Variants in STRN observed in about 807,000 individuals in gnomAD.
STRN encodes protein phosphatase 2 regulatory subunit B'''alpha.
STRN carries 53 observed loss-of-function variants against 96.3 expected under a neutral mutation model. The observed-to-expected ratio is 0.55, with a 90% CI of 0.44 to 0.69. The LOEUF (loss-of-function observed/expected upper bound fraction) is 0.69, where lower values mean the gene tolerates loss of function less well. Among genes scored for constraint, STRN ranks in the 30% least tolerant of loss-of-function variants. The pLI, the probability that STRN is intolerant of heterozygous loss-of-function variation, is 0.00. For missense variants in STRN, 987 were observed against 963.9 expected, an observed-to-expected ratio of 1.02 and a Z score of -0.32; for synonymous variants, 428 against 355.9, an observed-to-expected ratio of 1.20 and a Z score of -2.28.
intron 3 of STRN, among the ~76,000 whole-genome samples, chr2:36,909,130 T>C (rs1455521059): frequency 7.1e-6 from 1 of 140,382 alleles, no homozygotes; most frequent in Non-Finnish European, 1.5e-5. Flanking sequence ...CACTGCAGCC[T>C]GGGCAACAGA....
intron 7 of STRN, among the ~76,000 whole-genome samples, chr2:36,892,076 A>G (rs1210908982): frequency 1.3e-5 from 2 of 152,236 alleles, no homozygotes; most frequent in Non-Finnish European, 2.9e-5. Context: ...CAGAATTAAT[A>G]CCTGTGTCCC....
At chr2:36,900,451 T>C (rs760574006) in intron 5 of STRN, among the ~76,000 whole-genome samples, 3 of 152,124 alleles carry the variant, frequency 2.0e-5, no homozygotes, top group African/African-American at 4.8e-5. Context: ...AAAGAGAAAA[T>C]GTGTACATAA....
chr2:36,956,705 A>G (rs960923790), intron 1 of STRN, among the ~76,000 whole-genome samples: 11 of 152,224 alleles, frequency 7.2e-5, no homozygotes, highest in African/African-American at 2.4e-4. Context: ...TTTTGGAGAA[A>G]AACTGTAGGT....
chr2:36,849,312 A>G lies in STRN; in HGVS notation c.*144T>C. Reference sequence around the variant, plus strand: ...TTTTAGAAAACAGTATATGAATTGCAAAACTATACTTCAACAAATGTTCTC... The same window carrying G: ...TTTTAGAAAACAGTATATGAATTGCGAAACTATACTTCAACAAATGTTCTC... On this transcript the variant is annotated 3_prime_UTR_variant, in exon 18 of 18. Coordinates refer to ENST00000263918, the MANE Select transcript of STRN (RefSeq NM_003162.4). 1 of 1,002,058 alleles carries G rather than the reference A, an allele frequency of 1.0e-6. No homozygotes were observed. Among genetic ancestry groups the G allele is most frequent in the East Asian group, 2.6e-5 (1 of 38,296 alleles). 62.1% of individuals were successfully genotyped at this position (1,002,058 alleles called of 1,614,324 possible).
intron 8 of STRN, 99 bp from the exon 9 acceptor site, chr2:36,884,174 A>C: frequency 9.5e-7 from 1 of 1,054,948 alleles, no homozygotes. Context: ...TCCATCTGTC[A>C]ATATTTACCT....
intron 1 of STRN, among the ~76,000 whole-genome samples, chr2:36,944,016 A>T (rs1364457212): frequency 6.6e-6 from 1 of 152,100 alleles, no homozygotes. Context: ...GCTACTTGGG[A>T]GGCTGGGGCA....
chr2:36,920,122 A>C (rs2148224130), intron 2 of STRN, among the ~76,000 whole-genome samples: 1 of 152,340 alleles, frequency 6.6e-6, no homozygotes, highest in African/African-American at 2.4e-5. Context: ...AAAATAGATC[A>C]AGGTGAAAAA....
At chr2:36,959,720 G>C (rs924391322) in intron 1 of STRN, among the ~76,000 whole-genome samples, 4 of 152,160 alleles carry the variant, frequency 2.6e-5, no homozygotes, top group South Asian at 2.1e-4. Context: ...CATCCATATA[G>C]GGAATACTAA....
chr2:36,889,478 AG>A (rs1163265003), intron 7 of STRN, among the ~76,000 whole-genome samples: 3 of 151,896 alleles, frequency 2.0e-5, no homozygotes, highest in Non-Finnish European at 1.5e-5. Flanking sequence ...AAATGTCTTC[AG>A]GTTTTTGAAG....
intron 3 of STRN, among the ~76,000 whole-genome samples, chr2:36,915,870 G>A (rs948334794): frequency 2.0e-5 from 3 of 152,126 alleles, no homozygotes; most frequent in Admixed American, 2.0e-4. Context: ...CAGAAAATGG[G>A]GAACTAAAAG....
At chr2:36,879,675 TTG>T (rs1327145813) in intron 9 of STRN, among the ~76,000 whole-genome samples, 6 of 152,294 alleles carry the variant, frequency 3.9e-5, no homozygotes, top group Non-Finnish European at 7.4e-5. Flanking sequence ...TGACAAACAT[TTG>T]TGAGTCAATA....
rs138872753 is a variant in STRN, at chr2:36,883,603, A to C, written c.1186+329T>G. The stretch of plus-strand genomic sequence containing the variant: ...TTGCTTAAATATTTATATGAGTTTC[A>C]AAGTAAACATTTACTACCAATTTAC... On this transcript the variant is annotated intron_variant, in intron 9 of 17. Transcript: ENST00000263918. Among the ~76,000 whole-genome samples, 953 of 152,324 alleles carry C rather than the reference A, an allele frequency of 6.3e-3. 8 individuals carry two copies. The highest frequency in any genetic ancestry group is 0.021 in the African/African-American group (857 of 41,570).
intron 1 of STRN, among the ~76,000 whole-genome samples, chr2:36,931,965 C>T (rs1006841686): frequency 1.3e-5 from 2 of 152,022 alleles, no homozygotes; most frequent in African/African-American, 4.8e-5. Flanking sequence ...GGACTATAGG[C>T]GCATACGACC....
At chr2:36,925,000 G>A in intron 2 of STRN, 105 bp downstream of exon 2, 2 of 977,532 alleles carry the variant, frequency 2.0e-6, no homozygotes, top group Admixed American at 2.1e-5. Context: ...AGGTCGCGGT[G>A]AGCCAAGATC....
At chr2:36,861,997 T>G (rs1668499065) in intron 12 of STRN, among the ~76,000 whole-genome samples, 1 of 152,126 alleles carries the variant, frequency 6.6e-6, no homozygotes, top group African/African-American at 2.4e-5. Context: ...AATGTTTAGT[T>G]CTCACTTATA....
At chr2:36,893,684 ATTG>A (rs527772332) in intron 7 of STRN, among the ~76,000 whole-genome samples, 94 of 152,168 alleles carry the variant, frequency 6.2e-4, no homozygotes, top group African/African-American at 1.9e-3. Context: ...TTCATACTGT[ATTG>A]TTGTTGTTTT....
intron 10 of STRN, 147 bp from the exon 11 acceptor site, chr2:36,869,876 C>A: frequency 3.3e-6 from 2 of 610,378 alleles, no homozygotes; most frequent in Non-Finnish European, 5.0e-6. Flanking sequence ...TGTAAATAAC[C>A]AAACCACGAA....
Position 36,849,240 on chromosome 2 carries a change from AG to A in STRN, c.*215del, listed in dbSNP as rs1668157443. ...TGGGGAGAAATTTGAAACAGACCTC[AG>A]GCTCACAGATTCAGCTGAGCTTGCA... On this transcript the variant is annotated 3_prime_UTR_variant, in exon 18 of 18. Coordinates refer to ENST00000263918, the MANE Select transcript of STRN (RefSeq NM_003162.4). 1 of 549,310 alleles carries A rather than the reference AG, an allele frequency of 1.8e-6. No individual in the cohort carries two copies. Among genetic ancestry groups the A allele is most frequent in the Admixed American group, 3.3e-5 (1 of 30,292 alleles). The allele number at this position is 549,310 out of a possible 1,614,324, so 34.0% of individuals were successfully genotyped here. A position where few individuals can be genotyped will look rare whatever the true frequency, so the allele number is the denominator to read the frequency against.
At chr2:36,904,970 T>G (rs1307039320) in intron 4 of STRN, among the ~76,000 whole-genome samples, 24 of 34,116 alleles carry the variant, frequency 7.0e-4, no homozygotes, top group African/African-American at 5.8e-3. Flanking sequence ...CCAATTGCAC[T>G]TTTTTTTTTT....
Sources: allele counts gnomAD v4.1 joint callset (sites outside exome capture counted in the v4.1 genomes callset), GRCh38; gene constraint gnomAD v4.1.1; transcripts MANE v1.5; gene names NCBI Gene and HGNC (gene_info 2026-07-23, HGNC 2026-07-21).